MGAT4C: variants seen among roughly 807,000 people sequenced by gnomAD.
The protein encoded by MGAT4C is alpha-1,3-mannosyl-glycoprotein 4-beta-N-acetylglucosaminyltransferase C.
Under a neutral mutation model 40.1 loss-of-function variants are expected in MGAT4C, and 19 were observed. The observed-to-expected ratio is 0.47, with a 90% CI of 0.33 to 0.70. The LOEUF (loss-of-function observed/expected upper bound fraction) is 0.70, where lower values mean the gene tolerates loss of function less well. Ranked by LOEUF, MGAT4C falls within the 30% of genes least tolerant of loss-of-function variation. MGAT4C has a pLI of 0.02. For synonymous variants in MGAT4C, 181 were observed against 187.1 expected (o/e 0.97, Z 0.27); for missense variants, 491 against 563.2 (o/e 0.87, Z 1.30).
intron 2 of MGAT4C, among the ~76,000 whole-genome samples, chr12:86,499,974 G>A (rs1453112731): frequency 6.6e-6 from 1 of 151,636 alleles, no homozygotes; most frequent in Admixed American, 6.6e-5. Flanking sequence ...TATGAAAGGT[G>A]GGTCTAGAGA....
At chr12:86,498,009 T>A (rs1958273746) in intron 2 of MGAT4C, among the ~76,000 whole-genome samples, 1 of 146,518 alleles carries the variant, frequency 6.8e-6, no homozygotes, top group African/African-American at 2.5e-5. Flanking sequence ...TATTATATAA[T>A]CTTTTTTGGT....
At chr12:86,617,257 C>T (rs1275155798) in intron 2 of MGAT4C, among the ~76,000 whole-genome samples, 5 of 152,088 alleles carry the variant, frequency 3.3e-5, no homozygotes, top group African/African-American at 7.2e-5. Context: ...AGTATTTGTG[C>T]AATTTTAACA....
chr12:86,780,273 C>T (rs980657254), intron 1 of MGAT4C, among the ~76,000 whole-genome samples: 3 of 152,170 alleles, frequency 2.0e-5, no homozygotes, highest in South Asian at 2.1e-4. Context: ...TAAATTTAAG[C>T]GGTACAAGTG....
At chr12:86,146,244 T>A (rs987717763) in intron 1 of MGAT4C, among the ~76,000 whole-genome samples, 3 of 152,136 alleles carry the variant, frequency 2.0e-5, no homozygotes, top group African/African-American at 7.2e-5. Flanking sequence ...ATATTCTAAT[T>A]ATGGCTGGCG....
intron 1 of MGAT4C, among the ~76,000 whole-genome samples, chr12:86,190,724 C>T (rs1032867973): frequency 4.6e-5 from 7 of 151,912 alleles, no homozygotes; most frequent in East Asian, 1.9e-4. Flanking sequence ...AGACAAATAA[C>T]GTGTCTTTTT....
Position 86,437,529 on chromosome 12 carries a change from CT to C in MGAT4C, c.-228-2265del, listed in dbSNP as rs1415899189. On this transcript the variant is annotated intron_variant, in intron 2 of 7. Transcript: ENST00000548651. Reference sequence around the variant, plus strand: ...AAATGACTTATAGTATTTATTTGTTCTAGTTATTCTCAGTCTCTTTACAAAT... The same window carrying C: ...AAATGACTTATAGTATTTATTTGTTCAGTTATTCTCAGTCTCTTTACAAAT... 2.6e-5 allele frequency among the ~76,000 whole-genome samples: 4 copies of C among 151,784 alleles called. No homozygotes were observed. The Admixed American group carries it at 2.6e-4, about 10-fold the overall frequency.
At chr12:86,307,375 A>G (rs1222246541) in intron 4 of MGAT4C, among the ~76,000 whole-genome samples, 1 of 150,460 alleles carries the variant, frequency 6.6e-6, no homozygotes, top group Non-Finnish European at 1.5e-5. Context: ...ATCTTACTTA[A>G]TACATGTTTT....
chr12:86,603,672 GTATA>G (rs1176367778), intron 2 of MGAT4C, among the ~76,000 whole-genome samples: 2 of 123,976 alleles, frequency 1.6e-5, no homozygotes, highest in African/African-American at 6.2e-5. Flanking sequence ...ATTATATATA[GTATA>G]TATACTATAT....
intron 2 of MGAT4C, among the ~76,000 whole-genome samples, chr12:86,491,791 G>T (rs1478512836): frequency 2.6e-5 from 4 of 151,352 alleles, no homozygotes; most frequent in East Asian, 1.9e-4. Context: ...GGAAGTTCTG[G>T]CCAGGGCAAT....
At chr12:86,562,655 C>T (rs545984243) in intron 2 of MGAT4C, among the ~76,000 whole-genome samples, 3 of 152,058 alleles carry the variant, frequency 2.0e-5, no homozygotes, top group Non-Finnish European at 4.4e-5. Context: ...AGACCTATAA[C>T]TAAAGTCCTG....
chr12:86,772,162 T>C (rs2136169847), intron 1 of MGAT4C, among the ~76,000 whole-genome samples: 1 of 152,318 alleles, frequency 6.6e-6, no homozygotes, highest in South Asian at 2.1e-4. Context: ...ATGGGTCTAT[T>C]CAACCATCTC....
chr12:86,763,170 G>T (rs1156300070), intron 1 of MGAT4C, among the ~76,000 whole-genome samples: 5 of 152,126 alleles, frequency 3.3e-5, no homozygotes, highest in African/African-American at 1.2e-4. Flanking sequence ...AAAATGTTAA[G>T]TGTGACTCAA....
intron 2 of MGAT4C, among the ~76,000 whole-genome samples, chr12:86,692,231 A>T (rs1254001723): frequency 6.6e-6 from 1 of 152,204 alleles, no homozygotes; most frequent in Non-Finnish European, 1.5e-5. Flanking sequence ...AGACTATTTG[A>T]AAATCTTTAA....
chr12:86,647,523 CT>C (rs1330338788), intron 2 of MGAT4C, among the ~76,000 whole-genome samples: 1 of 151,838 alleles, frequency 6.6e-6, no homozygotes, highest in Non-Finnish European at 1.5e-5. Flanking sequence ...TTATATATTA[CT>C]TTTGAATTAA....
chr12:86,201,987 G>A (rs1950069540), intron 1 of MGAT4C, among the ~76,000 whole-genome samples: 1 of 145,106 alleles, frequency 6.9e-6, no homozygotes, highest in Non-Finnish European at 1.5e-5. Flanking sequence ...TTTATATATT[G>A]ACCATGTATC....
rs116323452 is a variant in MGAT4C, at chr12:86,364,265, A to G, written c.-119-30138T>C. Among the ~76,000 whole-genome samples the G allele has an allele frequency of 3.0e-3, 450 of 152,268 alleles. 2 individuals carry two copies. Among genetic ancestry groups the G allele is most frequent in the African/African-American group, 9.9e-3 (413 of 41,562 alleles). ...ATCAGACAAAGCCACTACAACAAAT[A>G]AAAAGCACAGAACAATATCCCTCAT... On this transcript the variant is annotated intron_variant, in intron 3 of 7. Coordinates refer to the MGAT4C transcript ENST00000548651.
intron 2 of MGAT4C, among the ~76,000 whole-genome samples, chr12:86,716,097 T>A (rs1950641475): frequency 6.6e-6 from 1 of 152,114 alleles, no homozygotes; most frequent in Non-Finnish European, 1.5e-5. Flanking sequence ...TTGTTACTAT[T>A]GTGAAAAATA....
At chr12:86,271,413 A>G (rs1952943642) in intron 4 of MGAT4C, among the ~76,000 whole-genome samples, 1 of 152,226 alleles carries the variant, frequency 6.6e-6, no homozygotes. Flanking sequence ...AGGTGTATAA[A>G]AAATGATCAG....
intron 1 of MGAT4C, among the ~76,000 whole-genome samples, chr12:86,233,959 T>G (rs1443853581): frequency 6.6e-6 from 1 of 152,172 alleles, no homozygotes; most frequent in Non-Finnish European, 1.5e-5. Flanking sequence ...TGTAATGGAT[T>G]AATTAAATGT....
Sources: gnomAD v4.1 joint callset for allele counts (sites outside exome capture counted in the v4.1 genomes callset) on GRCh38, gnomAD v4.1.1 for gene constraint, MANE v1.5 for transcripts, NCBI Gene and HGNC (gene_info 2026-07-23, HGNC 2026-07-21) for gene names.